Variants in MRPS31 observed in about 807,000 individuals in gnomAD.
The protein encoded by MRPS31 is small ribosomal subunit protein mS31.
MRPS31 carries 32 observed loss-of-function variants against 43.1 expected under a neutral mutation model. The observed-to-expected ratio is 0.74, with a 90% confidence interval of 0.56 to 1.00. MRPS31 has a LOEUF of 1.00. Among genes scored for constraint, MRPS31 ranks in the 50% least tolerant of loss-of-function variants. The pLI, the probability that MRPS31 is intolerant of heterozygous loss-of-function variation, is 0.00. For synonymous variants in MRPS31, 165 were observed against 161.6 expected, an observed-to-expected ratio of 1.02 and a Z score of -0.16; for missense variants, 437 against 466.7, an observed-to-expected ratio of 0.94 and a Z score of 0.59.
At chr13:40,755,502 G>A (rs1175938438) in intron 4 of MRPS31, among the ~76,000 whole-genome samples, 3 of 152,156 alleles carry the variant, frequency 2.0e-5, no homozygotes, top group Admixed American at 6.5e-5. Flanking sequence ...TTTATAGCTG[G>A]GGAAACAGCC....
At chr13:40,769,164 T>G (rs1880928920) in intron 1 of MRPS31, among the ~76,000 whole-genome samples, 2 of 151,506 alleles carry the variant, frequency 1.3e-5, no homozygotes, top group Non-Finnish European at 2.9e-5. Flanking sequence ...GATCATGAGG[T>G]CAGGAGTTCA....
intron 6 of MRPS31, among the ~76,000 whole-genome samples, chr13:40,746,346 T>G (rs1203447283): frequency 2.6e-5 from 4 of 152,200 alleles, no homozygotes; most frequent in African/African-American, 9.7e-5. Context: ...TTTCTAAATG[T>G]GTACCCAGGG....
intron 6 of MRPS31, among the ~76,000 whole-genome samples, chr13:40,732,299 C>T (rs1038147619): frequency 6.6e-6 from 1 of 152,214 alleles, no homozygotes; most frequent in African/African-American, 2.4e-5. Context: ...CTTTTCATGG[C>T]CTTCCTCTCA....
chr13:40,754,161 A>C, intron 4 of MRPS31, 69 bp from the exon 5 acceptor site: 1 of 864,866 alleles, frequency 1.2e-6, no homozygotes. Context: ...ACTATGAGAA[A>C]ATATCTTAAG....
At chr13:40,737,811 A>G (rs991036417) in intron 6 of MRPS31, among the ~76,000 whole-genome samples, 22 of 152,026 alleles carry the variant, frequency 1.4e-4, no homozygotes, top group African/African-American at 4.8e-4. Context: ...AATTTATAGC[A>G]CTAAATGCCC....
chr13:40,732,679 A>G (rs1302136642), intron 6 of MRPS31, among the ~76,000 whole-genome samples: 1 of 152,152 alleles, frequency 6.6e-6, no homozygotes, highest in African/African-American at 2.4e-5. Flanking sequence ...TTGAGGCTGC[A>G]GTAAGCTGTG....
intron 6 of MRPS31, among the ~76,000 whole-genome samples, chr13:40,744,029 A>G (rs568233725): frequency 6.6e-6 from 1 of 152,338 alleles, no homozygotes; most frequent in Admixed American, 6.5e-5. Flanking sequence ...TATAAAAATC[A>G]TGAGGTCATG....
At chr13:40,730,176 C>T (rs917813718) in intron 6 of MRPS31, among the ~76,000 whole-genome samples, 7 of 151,934 alleles carry the variant, frequency 4.6e-5, no homozygotes, top group Admixed American at 1.3e-4. Flanking sequence ...CAAACAGACA[C>T]AAACTATATA....
In MRPS31 at chr13:40,767,016, T is replaced by C. The variant is rs762953392; in HGVS notation, c.170A>G (p.Gln57Arg). 1.2e-6 allele frequency: 2 copies of C among 1,605,854 alleles called. No individual in the cohort carries two copies. The highest frequency in any genetic ancestry group is 1.1e-5 in the South Asian group (1 of 88,538). ...CACACTGTTAGTGCCAAAATATCTTTGGATGTTATTTTTTGTCCTGGAAAG... is the reference window on the plus strand; with the variant it reads ...CACACTGTTAGTGCCAAAATATCTTCGGATGTTATTTTTTGTCCTGGAAAG... ...ALLARTKNNI[Q>R]RYFGTNSVIC... Residue 57 changes from glutamine to arginine, a missense_variant, in exon 2 of 7, where the codon CAA (glutamine) becomes CGA (arginine). Coordinates refer to ENST00000323563, the MANE Select transcript of MRPS31 (RefSeq NM_005830.4).
intron 2 of MRPS31, among the ~76,000 whole-genome samples, chr13:40,766,541 C>G (rs556414846): frequency 1.3e-5 from 2 of 152,124 alleles, no homozygotes; most frequent in Middle Eastern, 3.4e-3. Flanking sequence ...GTGATCCGCC[C>G]GCCTCGTCCT....
intron 6 of MRPS31, among the ~76,000 whole-genome samples, chr13:40,740,878 T>G (rs1880067310): frequency 1.3e-5 from 2 of 149,794 alleles, no homozygotes; most frequent in Non-Finnish European, 3.0e-5. Flanking sequence ...ATGGCACATG[T>G]ATACGTATGT....
At chr13:40,738,509 C>T (rs1158385830) in intron 6 of MRPS31, among the ~76,000 whole-genome samples, 4 of 151,622 alleles carry the variant, frequency 2.6e-5, no homozygotes, top group Non-Finnish European at 5.9e-5. Flanking sequence ...AGACCAATAT[C>T]CTTGATGAAC....
At chr13:40,736,479 T>G (rs1162684807) in intron 6 of MRPS31, among the ~76,000 whole-genome samples, 2 of 146,574 alleles carry the variant, frequency 1.4e-5, no homozygotes, top group Non-Finnish European at 3.0e-5. Context: ...CACATAATTG[T>G]CAGATTCACC....
chr13:40,741,888 T>TACACACACACACACAC (rs61011673), intron 6 of MRPS31, among the ~76,000 whole-genome samples: 68 of 140,828 alleles, frequency 4.8e-4, no homozygotes, highest in African/African-American at 1.7e-3. Context: ...AGTAACAAAA[T>TACACACACACACACAC]ACACACACAC....
At chr13:40,746,447 C>A (rs1462225116) in intron 6 of MRPS31, among the ~76,000 whole-genome samples, 1 of 152,104 alleles carries the variant, frequency 6.6e-6, no homozygotes, top group Non-Finnish European at 1.5e-5. Context: ...TTACTGATCA[C>A]CTCTTTTCCA....
At chr13:40,758,368 A>C (rs1183412265) in intron 3 of MRPS31, among the ~76,000 whole-genome samples, 1 of 152,102 alleles carries the variant, frequency 6.6e-6, no homozygotes, top group African/African-American at 2.4e-5. Context: ...CATTTCTTTT[A>C]ATTTCTTGAA....
intron 3 of MRPS31, 48 bp from the exon 4 acceptor site, chr13:40,757,061 C>G (rs1397551486): frequency 7.0e-7 from 1 of 1,433,862 alleles, no homozygotes; most frequent in South Asian, 1.3e-5. Context: ...AGCTACAGAA[C>G]AGTAATAAAC....
At chr13:40,769,699 ATTT>A (rs1047078838) in intron 1 of MRPS31, among the ~76,000 whole-genome samples, 3 of 152,106 alleles carry the variant, frequency 2.0e-5, no homozygotes, top group African/African-American at 4.8e-5. Flanking sequence ...TATTCAAGGT[ATTT>A]TAATAGAAAA....
At chr13:40,739,557 A>C (rs1880020384) in intron 6 of MRPS31, among the ~76,000 whole-genome samples, 1 of 152,222 alleles carries the variant, frequency 6.6e-6, no homozygotes, top group African/African-American at 2.4e-5. Flanking sequence ...GGCTACAGTA[A>C]CCAAAACAGC....
Sources: allele counts gnomAD v4.1 joint callset (sites outside exome capture counted in the v4.1 genomes callset), GRCh38; gene constraint gnomAD v4.1.1; transcripts MANE v1.5; gene names NCBI Gene and HGNC (gene_info 2026-07-23, HGNC 2026-07-21).